GALNT2: variants seen among roughly 807,000 people sequenced by gnomAD.
GALNT2 encodes the protein UDP-GalNAc:polypeptide N-acetylgalactosaminyltransferase 2.
In GALNT2, 31 loss-of-function variants were observed where a neutral mutation model predicts 81.4. The observed-to-expected ratio is 0.38, with a 90% CI of 0.29 to 0.51. GALNT2 has a LOEUF of 0.51. Among genes scored for constraint, GALNT2 ranks in the 20% least tolerant of loss-of-function variants. The pLI is 0.87. For missense variants in GALNT2, 629 were observed against 765.7 expected (o/e 0.82, Z 2.11); for synonymous variants, 303 against 287.4 (o/e 1.05, Z -0.55).
intron 1 of GALNT2, among the ~76,000 whole-genome samples, chr1:230,084,968 T>C (rs1342562061): frequency 1.3e-5 from 2 of 152,156 alleles, no homozygotes; most frequent in Admixed American, 1.3e-4. Flanking sequence ...ACCCCAGCTG[T>C]ATTTGTAAGT....
At chr1:230,202,451 C>A (rs752217375) in intron 2 of GALNT2, among the ~76,000 whole-genome samples, 8 of 152,182 alleles carry the variant, frequency 5.3e-5, no homozygotes, top group Non-Finnish European at 1.0e-4. Context: ...AGGGTTCAGG[C>A]CAATGCCAGG....
At chr1:230,066,800 T>C (rs1224790385), upstream of GALNT2, among the ~76,000 whole-genome samples, 2 of 152,040 alleles carry the variant, frequency 1.3e-5, no homozygotes, top group Admixed American at 1.3e-4. Flanking sequence ...TGAGCAAGGC[T>C]CTTTGCCCAC....
intron 1 of GALNT2, among the ~76,000 whole-genome samples, chr1:230,106,748 T>C (rs1380210925): frequency 6.8e-6 from 1 of 147,572 alleles, no homozygotes; most frequent in African/African-American, 2.6e-5. Context: ...AGGCAGTGCG[T>C]GCTGGTGAGC....
In GALNT2 at chr1:230,123,420, A is replaced by G. The variant is rs556187108; in HGVS notation, c.127-54798A>G. ...ATACCAAGGGTCTCCCCAGGGGACTACTTTGAAGAGGGGCACATGCAGGTT... is the reference window on the plus strand; with the variant it reads ...ATACCAAGGGTCTCCCCAGGGGACTGCTTTGAAGAGGGGCACATGCAGGTT... On this transcript the variant is annotated intron_variant, in intron 1 of 15. Coordinates refer to ENST00000366672, the MANE Select transcript of GALNT2 (RefSeq NM_004481.5). Among the ~76,000 whole-genome samples the G allele has an allele frequency of 1.3e-4, 20 of 152,318 alleles. No homozygotes were observed. The South Asian group carries it at 3.7e-3, about 28-fold the overall frequency.
At chr1:230,127,808 G>A (rs1661236930) in intron 1 of GALNT2, among the ~76,000 whole-genome samples, 1 of 152,140 alleles carries the variant, frequency 6.6e-6, no homozygotes, top group Non-Finnish European at 1.5e-5. Context: ...ACTCTTTTGA[G>A]GTGTGAATTG....
intron 1 of GALNT2, among the ~76,000 whole-genome samples, chr1:230,098,273 T>C (rs1217899786): frequency 6.6e-6 from 1 of 152,166 alleles, no homozygotes; most frequent in African/African-American, 2.4e-5. Context: ...CTTTTCTCTC[T>C]CTTTTCTCCT....
intron 6 of GALNT2, among the ~76,000 whole-genome samples, chr1:230,239,465 T>C (rs1184688807): frequency 6.6e-6 from 1 of 152,192 alleles, no homozygotes; most frequent in African/African-American, 2.4e-5. Context: ...GAATGTCCAA[T>C]AGTCCCAAAG....
At chr1:230,072,116 GT>G (rs1219106319) in intron 1 of GALNT2, among the ~76,000 whole-genome samples, 2 of 151,996 alleles carry the variant, frequency 1.3e-5, no homozygotes, top group Non-Finnish European at 2.9e-5. Context: ...TGGGTGAGTG[GT>G]TGGTCTCCTG....
chr1:230,279,549 C>T lies in GALNT2; in HGVS notation c.*91C>T, dbSNP rs902990594. 60 of 1,437,456 alleles carry T rather than the reference C, an allele frequency of 4.2e-5. No homozygotes were observed. The highest frequency in any genetic ancestry group is 7.1e-5 in the African/African-American group (5 of 70,812). 89.0% of individuals were successfully genotyped at this position (1,437,456 alleles called of 1,614,324 possible). A position where few individuals can be genotyped will look rare whatever the true frequency, so the allele number is the denominator to read the frequency against. On this transcript the variant is annotated 3_prime_UTR_variant, in exon 16 of 16. Transcript: ENST00000366672. The surrounding 1 kb of genome is among the most constrained non-coding windows in gnomAD (Gnocchi z 4.6). ...TTGATTATGTTTCTTAAACTTTCCG[C>T]GAAACTAATATACCTCAGTATTCCA...
intron 2 of GALNT2, among the ~76,000 whole-genome samples, chr1:230,197,334 AGT>A (rs1294017612): frequency 6.6e-6 from 1 of 152,154 alleles, no homozygotes; most frequent in Non-Finnish European, 1.5e-5. Context: ...GCATGAATTC[AGT>A]GCATCCGCAG....
At chr1:230,155,367 G>T (rs960989924) in intron 1 of GALNT2, among the ~76,000 whole-genome samples, 1 of 152,166 alleles carries the variant, frequency 6.6e-6, no homozygotes, top group Non-Finnish European at 1.5e-5. Context: ...GGGAGAGACC[G>T]GCCTCTCCCT....
At chr1:230,166,878 A>G (rs557647467) in intron 1 of GALNT2, among the ~76,000 whole-genome samples, 3 of 152,252 alleles carry the variant, frequency 2.0e-5, no homozygotes, top group African/African-American at 7.2e-5. Context: ...AAAAGAGAGA[A>G]CATGCTAGTG....
chr1:230,240,657 A>G lies in GALNT2; in HGVS notation c.608-2649A>G, dbSNP rs546613686. Among the ~76,000 whole-genome samples, 19 of 145,742 alleles carry G rather than the reference A, an allele frequency of 1.3e-4. No individual in the cohort carries two copies. In the South Asian group the frequency reaches 1.7e-3, roughly 13 times the overall value. The stretch of plus-strand genomic sequence containing the variant: ...TTTCCTCTGGCTGCTTTTTGTCTCT[A>G]TATCTGTTTTTTTTTTTTAACAATT... On this transcript the variant is annotated intron_variant, in intron 6 of 15. Transcript: ENST00000366672.
At chr1:230,227,511 C>CTATA (rs1362153752) in intron 3 of GALNT2, among the ~76,000 whole-genome samples, 20 of 145,978 alleles carry the variant, frequency 1.4e-4, no homozygotes, top group African/African-American at 5.1e-4. Flanking sequence ...TATAATACAG[C>CTATA]TATATATGCT....
Position 230,246,217 on chromosome 1 carries a change from C to T in GALNT2, c.817+67C>T. 4.2e-6 allele frequency: 5 copies of T among 1,178,494 alleles called. No homozygotes were observed. In the Admixed American group the frequency reaches 8.5e-5, roughly 20 times the overall value. The allele number at this position is 1,178,494 out of a possible 1,614,324, so 73.0% of individuals were successfully genotyped here. On this transcript the variant is annotated intron_variant, in intron 8 of 15. Coordinates refer to ENST00000366672, the MANE Select transcript of GALNT2 (RefSeq NM_004481.5). Reference sequence around the variant, plus strand: ...TACACCAGCATCTGATCACCACTCCCTCTCATTGTCAGGAGTGACAGTGAC... The same window carrying T: ...TACACCAGCATCTGATCACCACTCCTTCTCATTGTCAGGAGTGACAGTGAC...
chr1:230,094,601 G>A (rs1660190493), intron 1 of GALNT2, among the ~76,000 whole-genome samples: 1 of 152,156 alleles, frequency 6.6e-6, no homozygotes, highest in East Asian at 1.9e-4. Context: ...CTGCATCACT[G>A]CACTCCAGCC....
At chr1:230,154,330 T>C (rs1453100104) in intron 1 of GALNT2, among the ~76,000 whole-genome samples, 1 of 152,224 alleles carries the variant, frequency 6.6e-6, no homozygotes, top group Non-Finnish European at 1.5e-5. Flanking sequence ...CACCCTCTGC[T>C]CTGGCTTTCC....
chr1:230,098,646 A>C (rs1660318192), intron 1 of GALNT2, among the ~76,000 whole-genome samples: 1 of 152,068 alleles, frequency 6.6e-6, no homozygotes, highest in African/African-American at 2.4e-5. Flanking sequence ...GAGTGGTTCC[A>C]AAGGGATACG....
intron 1 of GALNT2, among the ~76,000 whole-genome samples, chr1:230,128,277 G>GTGTGTGTGTGT (rs1571994642): frequency 1.3e-5 from 2 of 151,866 alleles, no homozygotes; most frequent in Non-Finnish European, 1.5e-5. Flanking sequence ...GTGTGTGTGT[G>GTGTGTGTGTGT]GTTATGAAGG....
Sources: allele counts gnomAD v4.1 joint callset (sites outside exome capture counted in the v4.1 genomes callset), GRCh38; gene constraint gnomAD v4.1.1; non-coding constraint Gnocchi (gnomAD v3.1); transcripts MANE v1.5; gene names NCBI Gene and HGNC (gene_info 2026-07-23, HGNC 2026-07-21).